DENND2D: variants seen among roughly 807,000 people sequenced by gnomAD.
DENND2D encodes DENN domain-containing protein 2D.
DENND2D carries 37 observed loss-of-function variants against 59.8 expected under a neutral mutation model. The observed-to-expected ratio is 0.62, with a 90% CI of 0.48 to 0.81. The LOEUF is 0.81. DENND2D is among the 40% of genes least tolerant of loss of function. The pLI, the probability that DENND2D is intolerant of heterozygous loss-of-function variation, is 0.00. For synonymous variants in DENND2D, 219 were observed against 211.3 expected (o/e 1.04, Z -0.31); for missense variants, 525 against 579.7 (o/e 0.91, Z 0.97).
At chr1:111,189,148 T>C (rs1196328773) in intron 9 of DENND2D, 64 bp downstream of exon 9, 8 of 1,552,420 alleles carry the variant, frequency 5.2e-6, no homozygotes, top group East Asian at 2.2e-5. Flanking sequence ...AAGTGGAACA[T>C]GGATGAAACT....
intron 8 of DENND2D, among the ~76,000 whole-genome samples, chr1:111,191,068 G>A (rs1427008311): frequency 1.3e-5 from 2 of 152,198 alleles, no homozygotes; most frequent in Non-Finnish European, 2.9e-5. Context: ...AGCTGGAGCT[G>A]CAGAGTCAAG....
intron 5 of DENND2D, 181 bp from the exon 6 acceptor site, chr1:111,196,237 T>C (rs1008646509): frequency 1.4e-5 from 9 of 639,578 alleles, no homozygotes; most frequent in Non-Finnish European, 2.2e-5. Flanking sequence ...GGGCTCATGC[T>C]AAATAATCTG....
chr1:111,194,063 A>G lies in DENND2D; in HGVS notation c.794+515T>C, dbSNP rs143069517. On this transcript the variant is annotated intron_variant, in intron 7 of 11. Transcript: ENST00000357640. ...ATGGGAACCTCATAGCTAAAGGTAG[A>G]AGAACTGGATTTAAACCTCCTAATT... Among the ~76,000 whole-genome samples, 226 of 152,364 alleles carry G rather than the reference A, an allele frequency of 1.5e-3. 2 individuals are homozygous for G. Among genetic ancestry groups the G allele is most frequent in the African/African-American group, 5.3e-3 (219 of 41,580 alleles).
chr1:111,192,902 T>A (rs1299199241), intron 7 of DENND2D, among the ~76,000 whole-genome samples: 1 of 152,194 alleles, frequency 6.6e-6, no homozygotes, highest in East Asian at 1.9e-4. Flanking sequence ...ATTACCAGGT[T>A]GCTGCCTGAG....
intron 3 of DENND2D, 125 bp from the exon 4 acceptor site, chr1:111,198,114 C>T (rs761522631): frequency 1.6e-4 from 132 of 849,752 alleles, no homozygotes; most frequent in Non-Finnish European, 2.2e-4. Flanking sequence ...GGAGTAAGGG[C>T]TCACTGGTGT....
At chr1:111,204,407 T>C, upstream of DENND2D, 1 of 1,340,434 alleles carries the variant, frequency 7.5e-7, no homozygotes, top group Non-Finnish European at 9.5e-7. Context: ...CCCGCCCCCC[T>C]ATCCTTGACC....
chr1:111,186,735 G>T lies in DENND2D; in HGVS notation c.*870C>A. 6.6e-6 allele frequency among the ~76,000 whole-genome samples: 1 copy of T among 152,164 alleles called. No individual in the cohort carries two copies. Among genetic ancestry groups the T allele is most frequent in the Non-Finnish European group, 1.5e-5 (1 of 68,022 alleles). On this transcript the variant is annotated 3_prime_UTR_variant, in exon 12 of 12. Transcript: ENST00000357640. ...ATTGGACTGTGCTGCTCAAAATAAA[G>T]ATCAGTTGGAGGTAGGATGTCCAAG...
chr1:111,190,032 C>T (rs2764555), intron 8 of DENND2D, among the ~76,000 whole-genome samples: 4,667 of 151,910 alleles, frequency 0.031, 271 homozygotes, highest in Admixed American at 0.14. Context: ...GGTGTGGTGG[C>T]GGGCGCCTGT....
chr1:111,186,354 G>C lies in DENND2D; in HGVS notation c.*1251C>G, dbSNP rs952096051. On this transcript the variant is annotated 3_prime_UTR_variant, in exon 12 of 12. Coordinates refer to ENST00000357640, the MANE Select transcript of DENND2D (RefSeq NM_024901.5). ...GAAGAATAGTAGTGTAGCTAAGCAC[G>C]GTGTGTGGACAGTGGGACATCTGCC... 6.6e-6 allele frequency among the ~76,000 whole-genome samples: 1 copy of C among 152,152 alleles called. No individual in the cohort carries two copies. The highest frequency in any genetic ancestry group is 6.5e-5 in the Admixed American group (1 of 15,268).
At chr1:111,201,687 C>T (rs1323196743), upstream of DENND2D, among the ~76,000 whole-genome samples, 2 of 152,178 alleles carry the variant, frequency 1.3e-5, no homozygotes, top group East Asian at 1.9e-4. Flanking sequence ...AAGGGTTTGA[C>T]GCCAGTGTTT....
intron 8 of DENND2D, 78 bp from the exon 9 acceptor site, chr1:111,189,331 C>T: frequency 1.3e-6 from 2 of 1,521,812 alleles, no homozygotes; most frequent in South Asian, 2.3e-5. Context: ...TTGATTTCTG[C>T]CTGTGGCTGT....
At chr1:111,201,003 C>T (rs149575987), upstream of DENND2D, 985 of 159,664 alleles carry the variant, frequency 6.2e-3, 6 homozygotes, top group Non-Finnish European at 8.0e-3. Flanking sequence ...AGTCAAAAAC[C>T]CCAGCAAGGC....
upstream of DENND2D, chr1:111,204,465 A>G: frequency 8.7e-7 from 1 of 1,152,472 alleles, no homozygotes; most frequent in Non-Finnish European, 1.1e-6. Flanking sequence ...GGCCTAGGGG[A>G]CAGGTTCGGG....
chr1:111,196,586 G>C (rs1032404336), intron 5 of DENND2D: 2 of 159,402 alleles, frequency 1.3e-5, no homozygotes, highest in Admixed American at 1.2e-4. Context: ...CAAAGGTCCT[G>C]CTGGGGTCAG....
chr1:111,203,779 G>C (rs984625725), upstream of DENND2D, among the ~76,000 whole-genome samples: 5 of 152,192 alleles, frequency 3.3e-5, no homozygotes, highest in Non-Finnish European at 7.3e-5. Flanking sequence ...GAGGGTGGGT[G>C]GGGGTGGTAA....
At chr1:111,187,716 A>T in intron 11 of DENND2D, 35 bp from the exon 12 acceptor site, 2 of 1,530,212 alleles carry the variant, frequency 1.3e-6, no homozygotes, top group Non-Finnish European at 9.0e-7. Flanking sequence ...GAGGCATCTG[A>T]TCTGGTCAGG....
chr1:111,188,618 G>C lies in DENND2D; in HGVS notation c.1099+84C>G, dbSNP rs563696254. The stretch of plus-strand genomic sequence containing the variant: ...GGGCTGGTCTAGGACTACTGAATGA[G>C]TTCATTTTAGTTCTGGAAGGGAATG... On this transcript the variant is annotated intron_variant, in intron 10 of 11. Transcript: ENST00000357640. 175 of 1,344,774 alleles carry C rather than the reference G, an allele frequency of 1.3e-4. 2 individuals carry two copies. The South Asian group carries it at 2.0e-3, about 15-fold the overall frequency. The allele number at this position is 1,344,774 out of a possible 1,614,324, so 83.3% of individuals were successfully genotyped here.
chr1:111,187,226 T>C lies in DENND2D; in HGVS notation c.*379A>G, dbSNP rs1056503626. ...CGTCCTTACATGTCCACAGACTTCATGTAGAGAGGCTGAGCCTTTCGACCA... is the reference window on the plus strand; with the variant it reads ...CGTCCTTACATGTCCACAGACTTCACGTAGAGAGGCTGAGCCTTTCGACCA... On this transcript the variant is annotated 3_prime_UTR_variant, in exon 12 of 12. Transcript: ENST00000357640. 1.0e-5 allele frequency: 2 copies of C among 192,826 alleles called. No homozygotes were observed. The highest frequency in any genetic ancestry group is 5.5e-5 in the Admixed American group (1 of 18,084). The allele number at this position is 192,826 out of a possible 1,614,324, so 11.9% of individuals were successfully genotyped here. A position where few individuals can be genotyped will look rare whatever the true frequency, so the allele number is the denominator to read the frequency against.
At chr1:111,200,719 G>A (rs1658721677), upstream of DENND2D, 6 of 1,267,996 alleles carry the variant, frequency 4.7e-6, no homozygotes, top group South Asian at 9.3e-5. Flanking sequence ...GCAGATCTCA[G>A]CTCCTCCCAA....
Sources: gnomAD v4.1 joint callset for allele counts (sites outside exome capture counted in the v4.1 genomes callset) on GRCh38, gnomAD v4.1.1 for gene constraint, MANE v1.5 for transcripts, NCBI Gene and HGNC (gene_info 2026-07-23, HGNC 2026-07-21) for gene names.